The following SH3RF3 variants were observed in gnomAD, a reference collection of about 807,000 sequenced individuals.
SH3RF3 encodes the protein E3 ubiquitin-protein ligase SH3RF3.
Under a neutral mutation model 66.3 loss-of-function variants are expected in SH3RF3, and 29 were observed. The ratio of observed to expected loss-of-function variants is 0.44; its 90% CI spans 0.33 to 0.60. The LOEUF is 0.60. Ranked by LOEUF, SH3RF3 falls within the 20% of genes least tolerant of loss-of-function variation. The pLI, the probability that SH3RF3 is intolerant of heterozygous loss-of-function variation, is 0.04. For synonymous variants in SH3RF3, 583 were observed against 532.0 expected, an observed-to-expected ratio of 1.10 and a Z score of -1.32; for missense variants, 1,194 against 1,190.9, an observed-to-expected ratio of 1.00 and a Z score of -0.04.
intron 1 of SH3RF3, among the ~76,000 whole-genome samples, chr2:109,192,155 GCGGTT>G (rs1678383335): frequency 6.6e-6 from 1 of 152,174 alleles, no homozygotes; most frequent in Non-Finnish European, 1.5e-5. Flanking sequence ...TTCTTTGAGA[GCGGTT>G]CGGTTCTACA....
intron 7 of SH3RF3, among the ~76,000 whole-genome samples, chr2:109,446,831 G>A (rs1287141680): frequency 1.3e-5 from 2 of 152,118 alleles, no homozygotes; most frequent in African/African-American, 4.8e-5. Context: ...CGGCCAGGAG[G>A]TAGAGGCCAG....
At chr2:109,143,843 C>T (rs1048720384) in intron 1 of SH3RF3, among the ~76,000 whole-genome samples, 10 of 151,944 alleles carry the variant, frequency 6.6e-5, no homozygotes, top group African/African-American at 2.4e-4. Flanking sequence ...CGTATATACA[C>T]AAACAATGGA....
chr2:109,191,346 AG>A (rs1201057485), intron 1 of SH3RF3, among the ~76,000 whole-genome samples: 2 of 152,208 alleles, frequency 1.3e-5, no homozygotes, highest in Non-Finnish European at 2.9e-5. Flanking sequence ...AGGACCCTGG[AG>A]GGGCCTTGCA....
intron 1 of SH3RF3, among the ~76,000 whole-genome samples, chr2:109,342,017 C>G (rs191912078): frequency 4.5e-4 from 69 of 152,336 alleles, no homozygotes; most frequent in Admixed American, 4.2e-3. Context: ...CAATTAGGGT[C>G]TCACCCGCCG....
intron 8 of SH3RF3, among the ~76,000 whole-genome samples, chr2:109,452,912 GGTGCC>G (rs1677926016): frequency 1.3e-5 from 2 of 149,930 alleles, no homozygotes; most frequent in African/African-American, 4.9e-5. Context: ...CCGGGAGGCT[GGTGCC>G]AGGAGGCTGG....
chr2:109,452,862 G>A (rs995394907), intron 8 of SH3RF3, among the ~76,000 whole-genome samples: 6 of 148,562 alleles, frequency 4.0e-5, no homozygotes, highest in African/African-American at 1.5e-4. Context: ...GGCTGGTCCC[G>A]GGAGGCTGGT....
chr2:109,465,025 T>C (rs1321885964), intron 8 of SH3RF3, among the ~76,000 whole-genome samples: 1 of 152,252 alleles, frequency 6.6e-6, no homozygotes, highest in African/African-American at 2.4e-5. Flanking sequence ...ACTGCCTTCA[T>C]AGATTTGCCT....
In SH3RF3 at chr2:109,177,161, C is replaced by G. The variant is rs561241891; in HGVS notation, c.573+47048C>G. ...TCTGCCTTTATCTTTTCTTTACAGA[C>G]ACACTCAGCCCAGAGTCAGAATAAG... On this transcript the variant is annotated intron_variant, in intron 1 of 9. Transcript: ENST00000309415. Among the ~76,000 whole-genome samples, 3 of 152,302 alleles carry G rather than the reference C, an allele frequency of 2.0e-5. No individual in the cohort carries two copies. In the South Asian group the frequency reaches 6.2e-4, roughly 32 times the overall value.
intron 8 of SH3RF3, among the ~76,000 whole-genome samples, chr2:109,462,711 T>C (rs1240844243): frequency 2.0e-5 from 3 of 152,240 alleles, no homozygotes; most frequent in Admixed American, 2.0e-4. Flanking sequence ...ATGTGAGGAT[T>C]CTGCCTGCTG....
At chr2:109,209,597 A>C (rs141811895) in intron 1 of SH3RF3, among the ~76,000 whole-genome samples, 1 of 152,114 alleles carries the variant, frequency 6.6e-6, no homozygotes, top group Non-Finnish European at 1.5e-5. Context: ...TGAGTTTCCT[A>C]TCCACTCCCT....
rs923293097 is a variant in SH3RF3, at chr2:109,493,621, C to T, written c.2480+2685C>T. Among the ~76,000 whole-genome samples the T allele has an allele frequency of 4.9e-4, 75 of 151,570 alleles. 1 individual carries two copies. The East Asian group carries it at 0.014, about 28-fold the overall frequency. On this transcript the variant is annotated intron_variant, in intron 9 of 9. Coordinates refer to ENST00000309415, the MANE Select transcript of SH3RF3 (RefSeq NM_001099289.3). Reference sequence around the variant, plus strand: ...ACAAACCACACACACTGCAAACNCACACCCCACACATGCTGCAAACACACA... The same window carrying T: ...ACAAACCACACACACTGCAAACNCATACCCCACACATGCTGCAAACACACA...
intron 1 of SH3RF3, among the ~76,000 whole-genome samples, chr2:109,153,725 C>T (rs531567711): frequency 3.3e-5 from 5 of 152,302 alleles, no homozygotes; most frequent in South Asian, 2.1e-4. Flanking sequence ...GTCTGCTGTG[C>T]GTTTTGTGCT....
chr2:109,386,941 C>A (rs971862537), intron 3 of SH3RF3, among the ~76,000 whole-genome samples: 22 of 152,146 alleles, frequency 1.4e-4, no homozygotes, highest in Non-Finnish European at 1.8e-4. Flanking sequence ...AGACTCCAGC[C>A]TAATCTGCTT....
chr2:109,129,578 C>G lies in SH3RF3; in HGVS notation c.38C>G (p.Ala13Gly), dbSNP rs1024924304. ...LGASWLCASKAAAAAAQSEGD... is the reference protein window; with the variant it reads ...LGASWLCASKGAAAAAQSEGD... ...GCGTCCTGGCTGTGCGCATCCAAGG[C>G]GGCCGCCGCTGCTGCGCAGAGCGAG... is the stretch of plus-strand genomic sequence containing the variant. The change falls in exon 1 of 10, where the codon GCG (alanine) becomes GGG (glycine). Residue 13 changes from alanine (A) to glycine (G), a missense_variant. Ala to Gly is a moderately conservative substitution (Grantham distance 60). Coordinates refer to ENST00000309415, the MANE Select transcript of SH3RF3 (RefSeq NM_001099289.3). 2.7e-6 allele frequency: 4 copies of G among 1,484,546 alleles called. No individual in the cohort carries two copies. In the Admixed American group the frequency reaches 9.2e-5, roughly 34 times the overall value. The allele number at this position is 1,484,546 out of a possible 1,614,324, so 92.0% of individuals were successfully genotyped here.
At position 109,504,462 on chromosome 2, in the gene SH3RF3, C is replaced by T. The variant is rs575701560; in HGVS notation, c.*2791C>T. On this transcript the variant is annotated 3_prime_UTR_variant, in exon 10 of 10. Coordinates refer to ENST00000309415, the MANE Select transcript of SH3RF3 (RefSeq NM_001099289.3). ...CCGGGCACTTCAAAACAGGCTCAGC[C>T]GACTGGGAGATCCTTTGTACTTTGC... is the stretch of plus-strand genomic sequence containing the variant. The T allele has an allele frequency of 7.2e-4, 109 of 152,302 alleles. No individual in the cohort carries two copies. The highest frequency in any genetic ancestry group is 2.4e-3 in the African/African-American group (98 of 41,548). The allele number at this position is 152,302 out of a possible 1,614,324, so 9.4% of individuals were successfully genotyped here. A position where few individuals can be genotyped will look rare whatever the true frequency, so the allele number is the denominator to read the frequency against.
intron 9 of SH3RF3, among the ~76,000 whole-genome samples, chr2:109,494,530 C>A (rs768674704): frequency 1.3e-5 from 2 of 152,198 alleles, no homozygotes; most frequent in African/African-American, 2.4e-5. Flanking sequence ...TTGGGCCCTG[C>A]AGACTTGTGA....
At chr2:109,467,457 G>A (rs957759162) in intron 8 of SH3RF3, among the ~76,000 whole-genome samples, 17 of 152,198 alleles carry the variant, frequency 1.1e-4, no homozygotes, top group African/African-American at 1.9e-4. Context: ...AAAGCAGCTC[G>A]GGGGTTTCCT....
At chr2:109,253,706 A>T (rs1015927574) in intron 1 of SH3RF3, among the ~76,000 whole-genome samples, 1 of 152,194 alleles carries the variant, frequency 6.6e-6, no homozygotes, top group African/African-American at 2.4e-5. Flanking sequence ...GGAAAATAGA[A>T]CATATAATAG....
chr2:109,377,189 G>A (rs1180224068), intron 3 of SH3RF3, among the ~76,000 whole-genome samples: 1 of 152,210 alleles, frequency 6.6e-6, no homozygotes, highest in Non-Finnish European at 1.5e-5. Flanking sequence ...TCAGGGGCAT[G>A]TGATGGGTGC....
Sources: gnomAD v4.1 joint callset for allele counts (sites outside exome capture counted in the v4.1 genomes callset) on GRCh38, gnomAD v4.1.1 for gene constraint, MANE v1.5 for transcripts, NCBI Gene and HGNC (gene_info 2026-07-23, HGNC 2026-07-21) for gene names.